Variants in RFT1 observed in about 807,000 individuals in gnomAD.
RFT1 encodes RFT1 glycolipid translocator homolog.
A neutral mutation model predicts 62.2 loss-of-function variants in RFT1; 43 were observed. The observed-to-expected ratio is 0.69, with a 90% confidence interval of 0.54 to 0.89. The LOEUF (loss-of-function observed/expected upper bound fraction) is 0.89. Among genes scored for constraint, RFT1 ranks in the 40% least tolerant of loss-of-function variants. The probability of loss-of-function intolerance (pLI) is 0.00; values close to 1 mark genes in which losing one functional copy is unlikely to be tolerated. For synonymous variants in RFT1, 262 were observed against 264.6 expected (o/e 0.99, Z 0.10); for missense variants, 605 against 649.9 (o/e 0.93, Z 0.75).
At chr3:53,088,048 TGGA>T (rs1700896836), downstream of RFT1, among the ~76,000 whole-genome samples, 1 of 152,188 alleles carries the variant, frequency 6.6e-6, no homozygotes, top group African/African-American at 2.4e-5. Context: ...TATCACCTGA[TGGA>T]GGAGGATATT....
rs1700989341 is a variant in RFT1 at position 53,091,623 on chromosome 3, A to G, written c.*280T>C. ...CCAATCATACGCAAAAGGAATGAGT[A>G]TATTAGTAAAAGAGAAAATGCTGAT... On this transcript the variant is annotated 3_prime_UTR_variant, in exon 13 of 13. Transcript: ENST00000296292. The G allele has an allele frequency of 4.4e-6, 2 of 451,474 alleles. No individual in the cohort carries two copies. The highest frequency in any genetic ancestry group is 3.4e-5 in the Admixed American group (1 of 29,560). The allele number at this position is 451,474 out of a possible 1,614,324, so 28.0% of individuals were successfully genotyped here. A position where few individuals can be genotyped will look rare whatever the true frequency, so the allele number is the denominator to read the frequency against.
Position 53,130,353 on chromosome 3 carries a change from G to A in RFT1, c.48C>T (p.Ser16=), listed in dbSNP as rs1462294799. Residue 16 remains serine, a synonymous_variant, in exon 1 of 13, where the codon TCC becomes TCT. Coordinates refer to ENST00000296292, the MANE Select transcript of RFT1 (RefSeq NM_052859.4). ...CAGAGAGTACCTGCAGGAGGAGACC[G>A]GAGGAGGCCAGCCGGGCCGCGTGGC... ...VLGHAARLAS[S]GLLLQVLFRL... The A allele has an allele frequency of 1.9e-6, 3 of 1,569,260 alleles. No individual in the cohort carries two copies. Among genetic ancestry groups the A allele is most frequent in the East Asian group, 2.4e-5 (1 of 42,268 alleles).
intron 1 of RFT1, among the ~76,000 whole-genome samples, chr3:53,127,529 G>A (rs1453624641): frequency 6.6e-6 from 1 of 151,926 alleles, no homozygotes; most frequent in Admixed American, 6.6e-5. Flanking sequence ...GTGAAACCCC[G>A]CCTCTCCTAA....
intron 4 of RFT1, 87 bp downstream of exon 4, chr3:53,122,283 ATCAT>A: frequency 8.2e-7 from 1 of 1,217,902 alleles, no homozygotes; most frequent in South Asian, 1.2e-5. Context: ...GTCTGGAAAA[ATCAT>A]TCATTCTCTC....
chr3:53,103,035 C>A, intron 10 of RFT1: 12 of 883,130 alleles, frequency 1.4e-5, no homozygotes, highest in Non-Finnish European at 1.6e-5. Flanking sequence ...ACAGCACAAG[C>A]CCCAGGGAGC....
chr3:53,079,555 A>G, the RFT1 span, among the ~76,000 whole-genome samples: 2 of 152,188 alleles, frequency 1.3e-5, no homozygotes, highest in Non-Finnish European at 2.9e-5. Flanking sequence ...CCAACAGGGC[A>G]AAACCCTGTC....
At chr3:53,085,745 C>T (rs767789998), downstream of RFT1, 1 of 152,232 alleles carries the variant, frequency 6.6e-6, no homozygotes, top group African/African-American at 2.4e-5. Flanking sequence ...ATTCGCACAT[C>T]TCACCTCCAG....
the RFT1 span, among the ~76,000 whole-genome samples, chr3:53,079,818 A>G: frequency 1.3e-5 from 2 of 152,148 alleles, no homozygotes; most frequent in African/African-American, 4.8e-5. Context: ...CCAGTGAAGT[A>G]AAAAAAACAA....
chr3:53,105,804 C>T lies in RFT1; in HGVS notation c.827-1G>A. On this transcript the variant is annotated splice_acceptor_variant, in intron 8 of 12. Coordinates refer to ENST00000296292, the MANE Select transcript of RFT1 (RefSeq NM_052859.4). LOFTEE classifies it high-confidence loss of function. ...AGATTATTCACTATATCATACACAC[C>T]TACAAAACAAAAAAGAAGAAACAAC... The T allele has an allele frequency of 6.2e-7, 1 of 1,612,096 alleles. No homozygotes were observed. The highest frequency in any genetic ancestry group is 8.5e-7 in the Non-Finnish European group (1 of 1,179,100).
intron 11 of RFT1, among the ~76,000 whole-genome samples, chr3:53,093,522 G>T (rs1701055153): frequency 6.6e-6 from 1 of 152,154 alleles, no homozygotes; most frequent in South Asian, 2.1e-4. Flanking sequence ...TAGCTGTTGA[G>T]GGAACCAAAC....
At chr3:53,087,003 G>A (rs1046949440), downstream of RFT1, among the ~76,000 whole-genome samples, 40 of 152,204 alleles carry the variant, frequency 2.6e-4, no homozygotes, top group African/African-American at 8.9e-4. Flanking sequence ...TTTGGGAGGC[G>A]GAGGCAGGCA....
chr3:53,081,802 T>C, the RFT1 span, among the ~76,000 whole-genome samples: 3 of 152,210 alleles, frequency 2.0e-5, no homozygotes, highest in East Asian at 5.8e-4. Context: ...ATCATGCCAA[T>C]GTTTGTGCGA....
intron 10 of RFT1, 79 bp downstream of exon 10, chr3:53,103,874 T>C (rs532168524): frequency 2.3e-5 from 35 of 1,554,540 alleles, no homozygotes; most frequent in African/African-American, 2.2e-4. Context: ...CAACTGTGTG[T>C]GCACAAGTTC....
intron 7 of RFT1, among the ~76,000 whole-genome samples, chr3:53,107,136 G>T (rs1314192385): frequency 7.1e-6 from 1 of 140,318 alleles, no homozygotes; most frequent in Non-Finnish European, 1.5e-5. Context: ...GTCTAAAAAG[G>T]TTTTTTTTTT....
chr3:53,080,912 G>C, the RFT1 span, among the ~76,000 whole-genome samples: 4 of 152,144 alleles, frequency 2.6e-5, no homozygotes, highest in Non-Finnish European at 5.9e-5. Flanking sequence ...TTCCCTCCCC[G>C]CCAAACTCCT....
the RFT1 span, among the ~76,000 whole-genome samples, chr3:53,081,080 G>A: frequency 2.0e-5 from 3 of 152,236 alleles, no homozygotes; most frequent in Non-Finnish European, 4.4e-5. Flanking sequence ...TCCCTGGCTG[G>A]GGCATGGGGA....
intron 10 of RFT1, chr3:53,103,608 T>A: frequency 2.8e-6 from 1 of 362,242 alleles, no homozygotes; most frequent in South Asian, 2.3e-5. Flanking sequence ...GGAGACTCAT[T>A]ACCGTCTGCC....
intron 10 of RFT1, chr3:53,103,559 T>G (rs1701376288): frequency 4.0e-6 from 1 of 247,028 alleles, no homozygotes; most frequent in Non-Finnish European, 8.1e-6. Flanking sequence ...GGGAGATTTA[T>G]GTGGCATTTA....
Position 53,092,354 on chromosome 3 carries a change from C to T in RFT1, c.1458+15G>A. ...GCTGCAGAAGCATGTGGCATGATGGCTCAGGGAGTCTCACCTCCGAAACAG... is the reference window on the plus strand; with the variant it reads ...GCTGCAGAAGCATGTGGCATGATGGTTCAGGGAGTCTCACCTCCGAAACAG... On this transcript the variant is annotated intron_variant, in intron 12 of 12. Transcript: ENST00000296292. 1 of 1,591,874 alleles carries T rather than the reference C, an allele frequency of 6.3e-7. No homozygotes were observed. The highest frequency in any genetic ancestry group is 8.5e-7 in the Non-Finnish European group (1 of 1,169,746).
Sources: allele counts gnomAD v4.1 joint callset (sites outside exome capture counted in the v4.1 genomes callset), GRCh38; gene constraint gnomAD v4.1.1; transcripts MANE v1.5; gene names NCBI Gene and HGNC (gene_info 2026-07-23, HGNC 2026-07-21).